Variants in TEAD1 observed in about 807,000 individuals in gnomAD.
TEAD1 encodes the protein transcriptional enhancer factor TEF-1.
In TEAD1, 9 loss-of-function variants were observed where a neutral mutation model predicts 54.9. The observed-to-expected ratio is 0.16, with a 90% CI of 0.10 to 0.29. The LOEUF is 0.29. Ranked by LOEUF, TEAD1 falls within the 10% of genes least tolerant of loss-of-function variation. The pLI is 1.00. For missense variants in TEAD1, 387 were observed against 535.9 expected (o/e 0.72, Z 2.74); for synonymous variants, 200 against 187.8 (o/e 1.07, Z -0.53).
intron 9 of TEAD1, among the ~76,000 whole-genome samples, chr11:12,896,856 A>C (rs1168899139): frequency 2.0e-5 from 3 of 152,204 alleles, no homozygotes; most frequent in Non-Finnish European, 2.9e-5. Flanking sequence ...CCTGGTGTCT[A>C]GCACAGTGCC....
At chr11:12,821,461 A>G (rs578037108) in intron 3 of TEAD1, among the ~76,000 whole-genome samples, 15 of 152,284 alleles carry the variant, frequency 9.9e-5, no homozygotes, top group Admixed American at 2.0e-4. Context: ...TTTGTTCATA[A>G]TTGTATCATA....
intron 2 of TEAD1, among the ~76,000 whole-genome samples, chr11:12,727,746 G>A (rs1408827951): frequency 2.6e-5 from 4 of 152,116 alleles, no homozygotes; most frequent in African/African-American, 9.7e-5. Context: ...GTGAGATGCC[G>A]TAGATAAGAA....
chr11:12,842,177 C>T (rs1156625247), intron 3 of TEAD1, among the ~76,000 whole-genome samples: 1 of 152,158 alleles, frequency 6.6e-6, no homozygotes, highest in African/African-American at 2.4e-5. Flanking sequence ...GTATTTAACT[C>T]ACTGAACGTT....
Position 12,941,550 on chromosome 11 carries a change from T to A in TEAD1, c.*4328T>A, listed in dbSNP as rs985020142. 2.0e-5 allele frequency: 3 copies of A among 152,616 alleles called. No individual in the cohort carries two copies. Among genetic ancestry groups the A allele is most frequent in the Non-Finnish European group, 4.4e-5 (3 of 68,026 alleles). The allele number at this position is 152,616 out of a possible 1,614,324, so 9.5% of individuals were successfully genotyped here. ...TCAATTTTACAAACCAGGTACATAT[T>A]AATTTGTATAATTTTGTATATGCTC... On this transcript the variant is annotated 3_prime_UTR_variant, in exon 13 of 13. Transcript: ENST00000527636.
At chr11:12,769,723 T>C (rs1216759456) in intron 3 of TEAD1, among the ~76,000 whole-genome samples, 5 of 152,104 alleles carry the variant, frequency 3.3e-5, no homozygotes, top group African/African-American at 1.2e-4. Context: ...CTTTCGGACC[T>C]CTGATTCAGG....
chr11:12,910,343 T>A (rs1323282992), intron 10 of TEAD1, among the ~76,000 whole-genome samples: 2 of 152,252 alleles, frequency 1.3e-5, no homozygotes, highest in Admixed American at 1.3e-4. Context: ...GAATTCTATT[T>A]CCTGTCCTAA....
chr11:12,816,470 C>A (rs1023442258), intron 3 of TEAD1, among the ~76,000 whole-genome samples: 1 of 152,190 alleles, frequency 6.6e-6, no homozygotes, highest in African/African-American at 2.4e-5. Flanking sequence ...AGTTACCCCG[C>A]CCCCTTTTTG....
At chr11:12,851,828 C>T (rs1383688940) in intron 3 of TEAD1, among the ~76,000 whole-genome samples, 2 of 151,930 alleles carry the variant, frequency 1.3e-5, no homozygotes, top group Non-Finnish European at 2.9e-5. Context: ...ATTTATTGAG[C>T]ACGTACTTAA....
intron 3 of TEAD1, among the ~76,000 whole-genome samples, chr11:12,856,701 G>T (rs755585504): frequency 1.3e-5 from 2 of 152,162 alleles, no homozygotes; most frequent in African/African-American, 4.8e-5. Flanking sequence ...ATGGAAGAAC[G>T]GGGTGGAGAA....
At chr11:12,908,961 G>C (rs12290489) in intron 10 of TEAD1, among the ~76,000 whole-genome samples, 26,449 of 148,352 alleles carry the variant, frequency 0.18, 2,562 homozygotes, top group Non-Finnish European at 0.22. Context: ...ATGGTTATGT[G>C]TGTAAATAAC....
intron 5 of TEAD1, among the ~76,000 whole-genome samples, chr11:12,872,741 G>C (rs969387965): frequency 1.3e-5 from 2 of 152,152 alleles, no homozygotes; most frequent in Non-Finnish European, 2.9e-5. Context: ...CTCCAACTTA[G>C]ATAATGCCCT....
At chr11:12,710,467 A>C (rs943420028) in intron 2 of TEAD1, among the ~76,000 whole-genome samples, 3 of 152,196 alleles carry the variant, frequency 2.0e-5, no homozygotes, top group African/African-American at 2.4e-5. Flanking sequence ...TGAAGTCAGG[A>C]GTATAGTTAT....
At chr11:12,935,266 T>C (rs1429417279) in intron 12 of TEAD1, among the ~76,000 whole-genome samples, 1 of 152,110 alleles carries the variant, frequency 6.6e-6, no homozygotes. Flanking sequence ...GTGGTGAATA[T>C]GCAACCATGA....
At chr11:12,933,706 C>G (rs1949052009) in intron 12 of TEAD1, among the ~76,000 whole-genome samples, 1 of 152,142 alleles carries the variant, frequency 6.6e-6, no homozygotes, top group African/African-American at 2.4e-5. Context: ...GTGCCAGGTG[C>G]TGTGCTAGAC....
chr11:12,833,407 A>G (rs1946822457), intron 3 of TEAD1, among the ~76,000 whole-genome samples: 1 of 152,338 alleles, frequency 6.6e-6, no homozygotes, highest in African/African-American at 2.4e-5. Context: ...AATGCAGGGT[A>G]CAACATGAAT....
At chr11:12,913,824 T>TC (rs1300839302) in intron 10 of TEAD1, among the ~76,000 whole-genome samples, 1 of 152,256 alleles carries the variant, frequency 6.6e-6, no homozygotes, top group East Asian at 1.9e-4. Context: ...CACTTACGTA[T>TC]CATTGGCTTG....
intron 5 of TEAD1, among the ~76,000 whole-genome samples, chr11:12,873,192 C>T (rs772161310): frequency 2.0e-5 from 3 of 152,228 alleles, no homozygotes; most frequent in Non-Finnish European, 2.9e-5. Flanking sequence ...GAAGGACTCA[C>T]TCTGGAGCTT....
chr11:12,700,720 C>T (rs1243609970), intron 2 of TEAD1, among the ~76,000 whole-genome samples: 1 of 152,138 alleles, frequency 6.6e-6, no homozygotes, highest in African/African-American at 2.4e-5. Context: ...ATTTATAATA[C>T]TGTTGCTTTT....
Position 12,748,046 on chromosome 11 carries a change from C to T in TEAD1, c.-54-16133C>T, listed in dbSNP as rs1049221914. Among the ~76,000 whole-genome samples the T allele has an allele frequency of 4.6e-5, 7 of 152,068 alleles. No homozygotes were observed. The South Asian group carries it at 1.5e-3, about 32-fold the overall frequency. On this transcript the variant is annotated intron_variant, in intron 2 of 12. Transcript: ENST00000527636. ...GCGCGATCCTGGCTCACTGCAACCTCCACCTCCTGGGTTCAAGTGATTCTC... is the reference window on the plus strand; with the variant it reads ...GCGCGATCCTGGCTCACTGCAACCTTCACCTCCTGGGTTCAAGTGATTCTC...
Sources: allele counts gnomAD v4.1 joint callset (sites outside exome capture counted in the v4.1 genomes callset), GRCh38; gene constraint gnomAD v4.1.1; transcripts MANE v1.5; gene names NCBI Gene and HGNC (gene_info 2026-07-23, HGNC 2026-07-21).